SLC44A1: variants seen among roughly 807,000 people sequenced by gnomAD.
SLC44A1 encodes solute carrier family 44 member 1, also known as choline transporter-like protein 1.
A neutral mutation model predicts 79.3 loss-of-function variants in SLC44A1; 26 were observed. The ratio of observed to expected loss-of-function variants is 0.33; its 90% confidence interval spans 0.24 to 0.46. The LOEUF (loss-of-function observed/expected upper bound fraction) is 0.46. Ranked by LOEUF, SLC44A1 falls within the 20% of genes least tolerant of loss-of-function variation. The pLI, the probability that SLC44A1 is intolerant of heterozygous loss-of-function variation, is 1.00. For synonymous variants in SLC44A1, 263 were observed against 286.2 expected (o/e 0.92, Z 0.82); for missense variants, 688 against 798.1 (o/e 0.86, Z 1.66).
At chr9:105,435,422 G>A (rs550353276) in intron 15 of SLC44A1, among the ~76,000 whole-genome samples, 4 of 152,214 alleles carry the variant, frequency 2.6e-5, no homozygotes, top group East Asian at 1.9e-4. Context: ...TTTGGGGTAG[G>A]TAATGGAAAG....
intron 1 of SLC44A1, among the ~76,000 whole-genome samples, chr9:105,285,489 G>A (rs1261727487): frequency 6.6e-6 from 1 of 152,206 alleles, no homozygotes; most frequent in Non-Finnish European, 1.5e-5. Flanking sequence ...ACGCGTCCAT[G>A]TGAAGAGACC....
chr9:105,414,810 C>G (rs1265169647), intron 15 of SLC44A1, among the ~76,000 whole-genome samples: 1 of 150,126 alleles, frequency 6.7e-6, no homozygotes, highest in Admixed American at 6.6e-5. Context: ...CCTGCTAGAA[C>G]AAAAAAGAAA....
chr9:105,424,717 C>A (rs1311792831), intron 15 of SLC44A1, among the ~76,000 whole-genome samples: 1 of 152,024 alleles, frequency 6.6e-6, no homozygotes, highest in Admixed American at 6.6e-5. Context: ...GAGGCCAAGG[C>A]AGGCGGATCA....
intron 15 of SLC44A1, among the ~76,000 whole-genome samples, chr9:105,403,159 TAAAC>T (rs1307713584): frequency 3.3e-5 from 5 of 151,880 alleles, no homozygotes; most frequent in African/African-American, 7.3e-5. Context: ...AGCAAAGACA[TAAAC>T]AGGAAGAAAC....
chr9:105,365,803 A>G (rs552586812), intron 11 of SLC44A1, among the ~76,000 whole-genome samples, 164 bp downstream of exon 11: 1 of 152,292 alleles, frequency 6.6e-6, no homozygotes, highest in East Asian at 1.9e-4. Context: ...CATGCACTCC[A>G]TATGCTCTGG....
At chr9:105,420,331 A>G (rs996944195) in intron 15 of SLC44A1, among the ~76,000 whole-genome samples, 1 of 152,154 alleles carries the variant, frequency 6.6e-6, no homozygotes, top group African/African-American at 2.4e-5. Flanking sequence ...AAAATTGGTG[A>G]CTTTTTTTAT....
chr9:105,416,433 C>T (rs1284542252), intron 15 of SLC44A1, among the ~76,000 whole-genome samples: 1 of 151,602 alleles, frequency 6.6e-6, no homozygotes, highest in Non-Finnish European at 1.5e-5. Flanking sequence ...GTCAGTGTAG[C>T]AATAGAAGTG....
At chr9:105,307,562 T>G (rs891564257) in intron 2 of SLC44A1, among the ~76,000 whole-genome samples, 3 of 151,900 alleles carry the variant, frequency 2.0e-5, no homozygotes, top group African/African-American at 7.3e-5. Flanking sequence ...GAGAATCGCT[T>G]GAACCTGGAA....
intron 10 of SLC44A1, 107 bp from the exon 11 acceptor site, chr9:105,365,375 AT>A: frequency 2.6e-6 from 2 of 759,028 alleles, no homozygotes; most frequent in Non-Finnish European, 4.3e-6. Flanking sequence ...TAAAATAAGA[AT>A]GATGAGCTGA....
At chr9:105,406,213 C>CCACA (rs150777262) in intron 15 of SLC44A1, among the ~76,000 whole-genome samples, 1,897 of 151,186 alleles carry the variant, frequency 0.013, 13 homozygotes, top group Non-Finnish European at 0.018. Context: ...ACTTCAGTGG[C>CCACA]CACACACACA....
At chr9:105,349,507 A>G (rs1254384920) in intron 5 of SLC44A1, among the ~76,000 whole-genome samples, 1 of 152,224 alleles carries the variant, frequency 6.6e-6, no homozygotes, top group Non-Finnish European at 1.5e-5. Flanking sequence ...ATCAAAATTT[A>G]AAGCCTGTAG....
In SLC44A1 at chr9:105,358,383, C is replaced by T; in HGVS notation, c.710C>T (p.Ser237Leu). Residue 237 changes from serine to leucine, a missense_variant, in exon 7 of 16, where the codon TCA (serine) becomes TTA (leucine). By Grantham distance (145) the Ser-to-Leu change is moderately radical. Coordinates refer to ENST00000374720, the MANE Select transcript of SLC44A1 (RefSeq NM_080546.5). ...MILMVIIRYI[S>L]RVLVWILTIL... is the part of the protein sequence containing the mutation. ...TTGATGGTGATAATCAGGTATATAT[C>T]AAGAGTACTTGTGTGGATCTTAACG... 1 of 1,598,968 alleles carries T rather than the reference C, an allele frequency of 6.3e-7. No homozygotes were observed. The highest frequency in any genetic ancestry group is 8.6e-7 in the Non-Finnish European group (1 of 1,166,400).
intron 3 of SLC44A1, among the ~76,000 whole-genome samples, chr9:105,325,319 T>A (rs1227065342): frequency 6.6e-6 from 1 of 152,206 alleles, no homozygotes; most frequent in Non-Finnish European, 1.5e-5. Flanking sequence ...TAAGGTAGAT[T>A]AGTAGTTGCC....
At chr9:105,376,509 G>A (rs1020535765) in intron 13 of SLC44A1, among the ~76,000 whole-genome samples, 3 of 151,974 alleles carry the variant, frequency 2.0e-5, no homozygotes, top group African/African-American at 7.3e-5. Context: ...AAGTAGCTGG[G>A]ACTACAGGCA....
chr9:105,420,633 G>A (rs1412744218), intron 15 of SLC44A1, among the ~76,000 whole-genome samples: 4 of 152,022 alleles, frequency 2.6e-5, no homozygotes, highest in African/African-American at 7.2e-5. Flanking sequence ...AGGCTGAAAT[G>A]GGCAGATCAC....
intron 1 of SLC44A1, among the ~76,000 whole-genome samples, chr9:105,247,433 G>C (rs763281611): frequency 6.6e-6 from 1 of 152,150 alleles, no homozygotes; most frequent in Non-Finnish European, 1.5e-5. Context: ...AAGTAGCTGG[G>C]ATTATAGGTA....
chr9:105,400,428 G>A (rs1379881862), downstream of SLC44A1, among the ~76,000 whole-genome samples: 1 of 152,010 alleles, frequency 6.6e-6, no homozygotes, highest in Non-Finnish European at 1.5e-5. Flanking sequence ...GGTGGAGGTT[G>A]CAGTGAGCCG....
At chr9:105,292,020 T>C (rs1411219756) in intron 1 of SLC44A1, among the ~76,000 whole-genome samples, 1 of 152,188 alleles carries the variant, frequency 6.6e-6, no homozygotes, top group Non-Finnish European at 1.5e-5. Context: ...CCAAATGGTA[T>C]TGGAATCTAT....
chr9:105,269,851 G>T (rs1830039621), intron 1 of SLC44A1, among the ~76,000 whole-genome samples: 1 of 152,130 alleles, frequency 6.6e-6, no homozygotes, highest in African/African-American at 2.4e-5. Flanking sequence ...ACTCTAACTT[G>T]GGAGACAGGA....
Sources: gnomAD v4.1 joint callset for allele counts (sites outside exome capture counted in the v4.1 genomes callset) on GRCh38, gnomAD v4.1.1 for gene constraint, MANE v1.5 for transcripts, NCBI Gene and HGNC (gene_info 2026-07-23, HGNC 2026-07-21) for gene names.